The following CENPW variants were observed in gnomAD, a reference collection of about 807,000 sequenced individuals.
CENPW encodes cancer-up-regulated gene 2 protein.
A neutral mutation model predicts 11.1 loss-of-function variants in CENPW; 3 were observed. The ratio of observed to expected loss-of-function variants is 0.27; its 90% CI spans 0.12 to 0.70. The LOEUF is 0.70. Among genes scored for constraint, CENPW ranks in the 30% least tolerant of loss-of-function variants. The pLI is 0.77. For missense variants in CENPW, 100 were observed against 105.6 expected (o/e 0.95, Z 0.23); for synonymous variants, 38 against 42.0 (o/e 0.91, Z 0.37).
At chr6:126,399,670 T>C in the CENPW span, among the ~76,000 whole-genome samples, 1 of 152,068 alleles carries the variant, frequency 6.6e-6, no homozygotes, top group African/African-American at 2.4e-5. Flanking sequence ...TATGAGTTTC[T>C]CTTTTGATTT....
At chr6:126,371,811 G>A in the CENPW span, among the ~76,000 whole-genome samples, 8 of 152,182 alleles carry the variant, frequency 5.3e-5, no homozygotes, top group East Asian at 5.8e-4. Context: ...ATCTACAAGC[G>A]TTGTATATTT....
In CENPW at chr6:126,348,671, A is replaced by G; in HGVS notation, c.*179A>G. 1 of 441,446 alleles carries G rather than the reference A, an allele frequency of 2.3e-6. No homozygotes were observed. Among genetic ancestry groups the G allele is most frequent in the East Asian group, 3.8e-5 (1 of 26,630 alleles). The allele number at this position is 441,446 out of a possible 1,614,324, so 27.3% of individuals were successfully genotyped here. ...TCAAGTAAATGCATAGGACTATTTAACCCTTTTATGGGAATTACTATTATT... is the reference window on the plus strand; with the variant it reads ...TCAAGTAAATGCATAGGACTATTTAGCCCTTTTATGGGAATTACTATTATT... On this transcript the variant is annotated 3_prime_UTR_variant, in exon 3 of 3. Coordinates refer to ENST00000368328, the MANE Select transcript of CENPW (RefSeq NM_001012507.4).
the CENPW span, among the ~76,000 whole-genome samples, chr6:126,424,148 CACTG>C: frequency 2.6e-5 from 4 of 152,108 alleles, no homozygotes; most frequent in African/African-American, 9.7e-5. Flanking sequence ...GTCTCAAAAA[CACTG>C]ACTAAATAAG....
chr6:126,425,176 A>G, the CENPW span, among the ~76,000 whole-genome samples: 1 of 152,154 alleles, frequency 6.6e-6, no homozygotes, highest in African/African-American at 2.4e-5. Flanking sequence ...GATAAAAAAG[A>G]AATGTTTGGA....
the CENPW span, among the ~76,000 whole-genome samples, chr6:126,383,235 T>G: frequency 6.6e-6 from 1 of 152,206 alleles, no homozygotes; most frequent in Non-Finnish European, 1.5e-5. Context: ...TGAGGGAATT[T>G]GTTCCCACCA....
At chr6:126,480,946 C>A in the CENPW span, among the ~76,000 whole-genome samples, 1 of 151,680 alleles carries the variant, frequency 6.6e-6, no homozygotes, top group Non-Finnish European at 1.5e-5. Flanking sequence ...TTTTTTACCC[C>A]AGGGAAAATA....
At chr6:126,346,140 A>T in intron 1 of CENPW, 65 bp from the exon 2 acceptor site, 1 of 817,478 alleles carries the variant, frequency 1.2e-6, no homozygotes, top group Non-Finnish European at 2.0e-6. Flanking sequence ...ACTAATTTTT[A>T]AAAATATTAT....
At chr6:126,429,747 ATATT>A in the CENPW span, among the ~76,000 whole-genome samples, 2 of 152,148 alleles carry the variant, frequency 1.3e-5, no homozygotes, top group Admixed American at 1.3e-4. Flanking sequence ...TTTTAAAAAT[ATATT>A]TATTAATTAT....
the CENPW span, among the ~76,000 whole-genome samples, chr6:126,405,404 A>T: frequency 3.3e-5 from 5 of 151,878 alleles, no homozygotes; most frequent in African/African-American, 1.2e-4. Context: ...TTTGGTTGCT[A>T]TAGTTTTGTG....
chr6:126,355,801 A>G, the CENPW span, among the ~76,000 whole-genome samples: 3 of 152,128 alleles, frequency 2.0e-5, no homozygotes, highest in African/African-American at 7.2e-5. Context: ...TATTTTGCCA[A>G]TCAGAATGGA....
rs1562378305 is a variant in CENPW, at chr6:126,340,171, G to A, written c.-103G>A. The A allele has an allele frequency of 9.3e-7, 1 of 1,078,048 alleles. No individual in the cohort carries two copies. Among genetic ancestry groups the A allele is most frequent in the Non-Finnish European group, 1.4e-6 (1 of 724,944 alleles). 66.8% of individuals were successfully genotyped at this position (1,078,048 alleles called of 1,614,324 possible). On this transcript the variant is annotated 5_prime_UTR_variant, in exon 1 of 3. Transcript: ENST00000368328. Reference sequence around the variant, plus strand: ...CTGAGGTTTTTCTGCCTGAAGAAGCGTCATACGGACCGGATTGTTTTCGCT... The same window carrying A: ...CTGAGGTTTTTCTGCCTGAAGAAGCATCATACGGACCGGATTGTTTTCGCT...
the CENPW span, among the ~76,000 whole-genome samples, chr6:126,353,906 A>AT: frequency 6.6e-6 from 1 of 151,758 alleles, no homozygotes; most frequent in African/African-American, 2.4e-5. Context: ...GTGTATGTGT[A>AT]TTTTTTTCCT....
the CENPW span, among the ~76,000 whole-genome samples, chr6:126,459,721 C>A: frequency 6.6e-6 from 1 of 151,378 alleles, no homozygotes; most frequent in Non-Finnish European, 1.5e-5. Flanking sequence ...AGTGAGTTAG[C>A]TGCATTGGAA....
chr6:126,465,448 G>A, the CENPW span, among the ~76,000 whole-genome samples: 1 of 152,012 alleles, frequency 6.6e-6, no homozygotes. Context: ...TTTCCAGTCT[G>A]CCTATTGATT....
the CENPW span, among the ~76,000 whole-genome samples, chr6:126,409,750 CATTT>C: frequency 4.6e-5 from 7 of 151,792 alleles, no homozygotes; most frequent in Admixed American, 6.6e-5. Flanking sequence ...TTTTTGTTTT[CATTT>C]GAGTGAAATA....
At chr6:126,452,320 A>G in the CENPW span, among the ~76,000 whole-genome samples, 2 of 151,198 alleles carry the variant, frequency 1.3e-5, no homozygotes, top group African/African-American at 2.4e-5. Context: ...TGTTGGAATC[A>G]TCGGACAGAA....
chr6:126,432,356 C>T, the CENPW span, among the ~76,000 whole-genome samples: 1 of 152,160 alleles, frequency 6.6e-6, no homozygotes, highest in Non-Finnish European at 1.5e-5. Flanking sequence ...TGGCTTATAT[C>T]CTGTACCCTA....
the CENPW span, among the ~76,000 whole-genome samples, chr6:126,385,403 A>G: frequency 2.6e-5 from 4 of 152,176 alleles, no homozygotes; most frequent in Non-Finnish European, 5.9e-5. Context: ...TGGTGCATAT[A>G]CCATGGAATA....
At chr6:126,414,033 G>C in the CENPW span, among the ~76,000 whole-genome samples, 1 of 151,898 alleles carries the variant, frequency 6.6e-6, no homozygotes, top group Admixed American at 6.6e-5. Flanking sequence ...ACTTATATTG[G>C]ATAAAACAAG....
Sources: gnomAD v4.1 joint callset for allele counts (sites outside exome capture counted in the v4.1 genomes callset) on GRCh38, gnomAD v4.1.1 for gene constraint, MANE v1.5 for transcripts, NCBI Gene and HGNC (gene_info 2026-07-23, HGNC 2026-07-21) for gene names.